The following BLTP3B variants were observed in gnomAD, a reference collection of about 807,000 sequenced individuals.
BLTP3B encodes the protein UHRF1 (ICBP90) binding protein 1-like.
the BLTP3B span, among the ~76,000 whole-genome samples, chr12:100,076,074 C>G: frequency 1.3e-5 from 2 of 151,042 alleles, no homozygotes; most frequent in East Asian, 3.9e-4. Flanking sequence ...AAAAATGTAA[C>G]AAACCTGCAC....
the BLTP3B span, among the ~76,000 whole-genome samples, chr12:100,071,685 T>C: frequency 2.0e-5 from 3 of 152,100 alleles, no homozygotes; most frequent in African/African-American, 7.2e-5. Flanking sequence ...AAAATAAAAA[T>C]TCATGTAATT....
At chr12:100,043,416 C>T in the BLTP3B span, among the ~76,000 whole-genome samples, 1 of 152,212 alleles carries the variant, frequency 6.6e-6, no homozygotes, top group African/African-American at 2.4e-5. Flanking sequence ...TCTGAACTCT[C>T]AATTCAATTC....
chr12:100,119,120 AAAAATAAAT>A, the BLTP3B span, among the ~76,000 whole-genome samples: 5 of 152,120 alleles, frequency 3.3e-5, no homozygotes, highest in Non-Finnish European at 7.3e-5. Flanking sequence ...AATAAAATAA[AAAAATAAAT>A]AAATAAATTA....
At chr12:100,088,239 A>G in the BLTP3B span, among the ~76,000 whole-genome samples, 4 of 152,210 alleles carry the variant, frequency 2.6e-5, 1 homozygote, top group Admixed American at 6.5e-5. Flanking sequence ...CCAAAGTTTG[A>G]GAATTATAGT....
the BLTP3B span, among the ~76,000 whole-genome samples, chr12:100,115,029 A>C: frequency 6.6e-6 from 1 of 152,192 alleles, no homozygotes; most frequent in Non-Finnish European, 1.5e-5. Context: ...TATACATAAC[A>C]ATTTCGTAAG....
the BLTP3B span, among the ~76,000 whole-genome samples, chr12:100,119,153 A>T: frequency 1.3e-5 from 2 of 152,178 alleles, no homozygotes; most frequent in Non-Finnish European, 2.9e-5. Flanking sequence ...TTCTATATGT[A>T]GCAACAATCA....
chr12:100,124,936 T>TTATATATATACA, the BLTP3B span, among the ~76,000 whole-genome samples: 2 of 56,534 alleles, frequency 3.5e-5, no homozygotes, highest in East Asian at 4.4e-3. Context: ...AAAAAAAATT[T>TTATATATATACA]TATATATATA....
At chr12:100,037,817 T>C in the BLTP3B span, 370 of 1,419,212 alleles carry the variant, frequency 2.6e-4, 1 homozygote, top group East Asian at 8.6e-3. Context: ...ACAGACTATT[T>C]ATATAGTATC....
At chr12:100,105,621 G>A in the BLTP3B span, among the ~76,000 whole-genome samples, 19 of 152,192 alleles carry the variant, frequency 1.2e-4, no homozygotes, top group East Asian at 3.9e-4. Context: ...TCTTCTGAAC[G>A]TTGGCCTAGG....
chr12:100,116,619 A>C, the BLTP3B span, among the ~76,000 whole-genome samples: 2 of 152,036 alleles, frequency 1.3e-5, no homozygotes, highest in African/African-American at 4.8e-5. Flanking sequence ...ATCTACAAAA[A>C]CTCTACAGCT....
chr12:100,073,887 T>C, the BLTP3B span, among the ~76,000 whole-genome samples: 1 of 152,092 alleles, frequency 6.6e-6, no homozygotes, highest in Non-Finnish European at 1.5e-5. Flanking sequence ...GTAAGAGTAA[T>C]CTATGACAAA....
At chr12:100,105,709 C>T in the BLTP3B span, among the ~76,000 whole-genome samples, 1 of 152,092 alleles carries the variant, frequency 6.6e-6, no homozygotes, top group Non-Finnish European at 1.5e-5. Context: ...AACGCTTCTA[C>T]ACAACAAAAG....
chr12:100,053,822 T>A, the BLTP3B span, among the ~76,000 whole-genome samples: 3 of 152,146 alleles, frequency 2.0e-5, no homozygotes, highest in Non-Finnish European at 4.4e-5. Context: ...AGTAAAAAAT[T>A]GAAGATATCA....
chr12:100,037,847 A>G, the BLTP3B span: 16 of 1,156,982 alleles, frequency 1.4e-5, no homozygotes, highest in Non-Finnish European at 1.9e-5. Flanking sequence ...GACACTTGGG[A>G]TAGTAAAAAT....
At chr12:100,040,230 T>C in the BLTP3B span, among the ~76,000 whole-genome samples, 1 of 152,110 alleles carries the variant, frequency 6.6e-6, no homozygotes, top group Admixed American at 6.6e-5. Flanking sequence ...CAACAGTATG[T>C]CAATAATTAG....
chr12:100,093,100 T>A, the BLTP3B span: 1 of 357,188 alleles, frequency 2.8e-6, no homozygotes, highest in Non-Finnish European at 3.9e-6. Flanking sequence ...ATACAGTCAC[T>A]GCAAACTTTT....
At chr12:100,051,029 T>C in the BLTP3B span, 1 of 1,597,468 alleles carries the variant, frequency 6.3e-7, no homozygotes, top group Non-Finnish European at 8.5e-7. Context: ...AAATATGAAA[T>C]AAAGTTGGTG....
chr12:100,109,440 T>C, the BLTP3B span, among the ~76,000 whole-genome samples: 1 of 152,096 alleles, frequency 6.6e-6, no homozygotes. Context: ...TTTAAAGTAA[T>C]TGTGTAACTG....
the BLTP3B span, among the ~76,000 whole-genome samples, chr12:100,079,259 G>A: frequency 2.6e-5 from 4 of 152,220 alleles, no homozygotes; most frequent in African/African-American, 9.6e-5. Flanking sequence ...GTCAGAAGAT[G>A]ACAGGAAAAT....
Sources: gnomAD v4.1 joint callset for allele counts (sites outside exome capture counted in the v4.1 genomes callset) on GRCh38, gnomAD v4.1.1 for gene constraint, MANE v1.5 for transcripts, NCBI Gene and HGNC (gene_info 2026-07-23, HGNC 2026-07-21) for gene names.